The following ADAM2 variants were observed in gnomAD, a reference collection of about 807,000 sequenced individuals.
ADAM2 encodes the protein disintegrin and metalloproteinase domain-containing protein 2.
Under a neutral mutation model 99.3 loss-of-function variants are expected in ADAM2, and 101 were observed. The observed-to-expected ratio is 1.02, with a 90% CI of 0.87 to 1.20. The LOEUF (loss-of-function observed/expected upper bound fraction) is 1.20. ADAM2 is among the 50% of genes most tolerant of loss of function. The pLI is 0.00. For missense variants in ADAM2, 948 were observed against 878.7 expected (o/e 1.08, Z -1.00); for synonymous variants, 323 against 287.6 (o/e 1.12, Z -1.25).
chr8:39,753,654 T>C (rs1802039629), intron 16 of ADAM2, among the ~76,000 whole-genome samples: 1 of 152,148 alleles, frequency 6.6e-6, no homozygotes, highest in African/African-American at 2.4e-5. Flanking sequence ...CCTCAGGACT[T>C]GGCACCCTGC....
At chr8:39,800,188 C>A (rs748708185) in intron 7 of ADAM2, among the ~76,000 whole-genome samples, 12 of 152,166 alleles carry the variant, frequency 7.9e-5, no homozygotes, top group Non-Finnish European at 1.3e-4. Context: ...ATATTATGTG[C>A]TTCCTTCAGG....
intron 11 of ADAM2, among the ~76,000 whole-genome samples, chr8:39,770,380 G>A (rs572391842): frequency 5.3e-5 from 8 of 152,272 alleles, no homozygotes; most frequent in Admixed American, 3.9e-4. Flanking sequence ...CTCAAGTCCA[G>A]AGTCTAATGC....
intron 1 of ADAM2, 57 bp downstream of exon 1, chr8:39,838,074 A>C: frequency 1.3e-6 from 2 of 1,579,100 alleles, no homozygotes; most frequent in Non-Finnish European, 8.7e-7. Flanking sequence ...ACTTGGAGGC[A>C]AAGGGAGAGT....
chr8:39,770,102 C>A (rs1563346218), intron 11 of ADAM2, among the ~76,000 whole-genome samples: 1 of 151,850 alleles, frequency 6.6e-6, no homozygotes, highest in Non-Finnish European at 1.5e-5. Context: ...CACGCCACCA[C>A]GACCTACTAA....
chr8:39,753,659 C>T (rs960394038), intron 16 of ADAM2, among the ~76,000 whole-genome samples: 1 of 152,174 alleles, frequency 6.6e-6, no homozygotes, highest in African/African-American at 2.4e-5. Context: ...GGACTTGGCA[C>T]CCTGCATCCC....
intron 5 of ADAM2, 66 bp downstream of exon 5, chr8:39,821,520 A>G (rs1805187510): frequency 8.0e-7 from 1 of 1,248,334 alleles, no homozygotes; most frequent in Non-Finnish European, 1.1e-6. Flanking sequence ...ATATTATGTT[A>G]AAATGTTTAA....
intron 7 of ADAM2, among the ~76,000 whole-genome samples, chr8:39,792,508 T>C (rs1452330043): frequency 6.6e-6 from 1 of 152,088 alleles, no homozygotes; most frequent in Non-Finnish European, 1.5e-5. Flanking sequence ...TGCTTACTAA[T>C]ATTTTCACTT....
At chr8:39,791,065 A>G (rs1162461605) in intron 7 of ADAM2, among the ~76,000 whole-genome samples, 2 of 151,996 alleles carry the variant, frequency 1.3e-5, no homozygotes, top group African/African-American at 2.4e-5. Flanking sequence ...AATTTAAAAA[A>G]AAAAAAGGAT....
At chr8:39,766,368 G>A (rs1197109753) in intron 14 of ADAM2, among the ~76,000 whole-genome samples, 1 of 151,488 alleles carries the variant, frequency 6.6e-6, no homozygotes, top group East Asian at 1.9e-4. Flanking sequence ...AATTAATAAT[G>A]TAATGATTTC....
At chr8:39,752,104 G>C (rs1466336017) in intron 16 of ADAM2, among the ~76,000 whole-genome samples, 1 of 152,108 alleles carries the variant, frequency 6.6e-6, no homozygotes, top group African/African-American at 2.4e-5. Context: ...TTTAGGTTCA[G>C]AAAATGTGAA....
At chr8:39,764,563 C>T (rs946604311) in intron 14 of ADAM2, among the ~76,000 whole-genome samples, 2 of 152,224 alleles carry the variant, frequency 1.3e-5, no homozygotes, top group African/African-American at 4.8e-5. Flanking sequence ...CAGACGCCAG[C>T]TTAAGGAAAC....
intron 7 of ADAM2, among the ~76,000 whole-genome samples, chr8:39,792,818 T>C (rs1803776062): frequency 6.6e-6 from 1 of 152,092 alleles, no homozygotes; most frequent in South Asian, 2.1e-4. Context: ...AACATTCTGG[T>C]CTATGCATGT....
intron 14 of ADAM2, 122 bp downstream of exon 14, chr8:39,766,726 A>G (rs1216594870): frequency 3.7e-6 from 3 of 812,430 alleles, no homozygotes; most frequent in Non-Finnish European, 5.6e-6. Context: ...CTCTTTCTAT[A>G]ATTCTTTAGA....
chr8:39,786,197 G>C (rs1177610346), intron 10 of ADAM2, among the ~76,000 whole-genome samples: 2 of 152,156 alleles, frequency 1.3e-5, no homozygotes, highest in Non-Finnish European at 2.9e-5. Context: ...TGGGTACTAT[G>C]CTCAGTACCT....
At chr8:39,812,610 G>A (rs191065942) in intron 6 of ADAM2, among the ~76,000 whole-genome samples, 1 of 152,264 alleles carries the variant, frequency 6.6e-6, no homozygotes, top group Non-Finnish European at 1.5e-5. Context: ...AGAGCCCTCA[G>A]AAATAGTACC....
At chr8:39,818,295 C>T (rs1345630575) in intron 6 of ADAM2, among the ~76,000 whole-genome samples, 1 of 152,044 alleles carries the variant, frequency 6.6e-6, no homozygotes, top group Non-Finnish European at 1.5e-5. Context: ...CAATACACCA[C>T]ATTAACAAAA....
At position 39,746,606 on chromosome 8, in the gene ADAM2, G is replaced by A. The variant is rs763994574; in HGVS notation, c.2040C>T (p.Tyr680=). ...ATGGCCATCTCATTGGTTTGGAATG[G>A]TAAATGTTCTCAATGTAGCGCCTTT... The part of the protein sequence containing the change: ...LPERRYIENI[Y]HSKPMRWPFF... Residue 680 remains tyrosine, a synonymous_variant, in exon 19 of 21, where the codon TAC becomes TAT. Coordinates refer to ENST00000265708, the MANE Select transcript of ADAM2 (RefSeq NM_001464.5). 6.2e-7 allele frequency: 1 copy of A among 1,601,418 alleles called. No homozygotes were observed. The highest frequency in any genetic ancestry group is 8.5e-7 in the Non-Finnish European group (1 of 1,175,830).
chr8:39,806,186 C>A (rs1186349319), intron 7 of ADAM2, among the ~76,000 whole-genome samples: 2 of 151,960 alleles, frequency 1.3e-5, no homozygotes, highest in African/African-American at 2.4e-5. Flanking sequence ...GGAACATAGA[C>A]TCTGACCAGT....
intron 7 of ADAM2, among the ~76,000 whole-genome samples, chr8:39,806,327 C>T (rs1469879894): frequency 6.6e-6 from 1 of 151,698 alleles, no homozygotes; most frequent in East Asian, 1.9e-4. Flanking sequence ...TTCAGAATTG[C>T]TCCAGCAAAG....
Sources: gnomAD v4.1 joint callset for allele counts (sites outside exome capture counted in the v4.1 genomes callset) on GRCh38, gnomAD v4.1.1 for gene constraint, MANE v1.5 for transcripts, NCBI Gene and HGNC (gene_info 2026-07-23, HGNC 2026-07-21) for gene names.